The following SLC17A1 variants were observed in gnomAD, a reference collection of about 807,000 sequenced individuals.
SLC17A1 encodes solute carrier family 17 member 1, also known as sodium-dependent phosphate transport protein 1.
SLC17A1 carries 51 observed loss-of-function variants against 53.5 expected under a neutral mutation model. The observed-to-expected ratio is 0.95, with a 90% CI of 0.76 to 1.20. The LOEUF (loss-of-function observed/expected upper bound fraction) is 1.20. Ranked by LOEUF, SLC17A1 falls within the 50% of genes most tolerant of loss-of-function variation. The probability of loss-of-function intolerance (pLI) is 0.00; values close to 1 mark genes in which losing one functional copy is unlikely to be tolerated. For missense variants in SLC17A1, 538 were observed against 568.2 expected (o/e 0.95, Z 0.54); for synonymous variants, 179 against 198.8 (o/e 0.90, Z 0.84).
chr6:25,812,177 A>G (rs1297822267), intron 8 of SLC17A1, among the ~76,000 whole-genome samples: 10 of 152,172 alleles, frequency 6.6e-5, no homozygotes, highest in Non-Finnish European at 1.5e-4. Context: ...TGAAGTATAA[A>G]ATTGAGTCAG....
At chr6:25,726,913 C>T in the SLC17A1 span, 6 of 1,611,236 alleles carry the variant, frequency 3.7e-6, no homozygotes, top group East Asian at 2.2e-5. Context: ...GTAGCTATGC[C>T]GGAGGTGTCA....
chr6:25,822,641 G>A (rs181386499), intron 3 of SLC17A1, among the ~76,000 whole-genome samples: 4 of 152,144 alleles, frequency 2.6e-5, no homozygotes, highest in Non-Finnish European at 4.4e-5. Context: ...TAGCTCAAGA[G>A]CTCCCTCCTC....
At chr6:25,804,457 C>A (rs62392759) in intron 10 of SLC17A1, among the ~76,000 whole-genome samples, 13,774 of 152,102 alleles carry the variant, frequency 0.091, 806 homozygotes, top group Middle Eastern at 0.14. Flanking sequence ...ATAAAACCCA[C>A]AAGGCCTATA....
In SLC17A1 at chr6:25,792,730, T is replaced by A. The variant is rs1763528809; in HGVS notation, c.*2+6053A>T. Reference sequence around the variant, plus strand: ...CTCTTTAGTTGCTAAAGCCAAAATCTAGGTCCTATCCTTGTTTCTTCTCTT... The same window carrying A: ...CTCTTTAGTTGCTAAAGCCAAAATCAAGGTCCTATCCTTGTTTCTTCTCTT... On this transcript the variant is annotated intron_variant, in intron 12 of 12. Transcript: ENST00000244527. 2.0e-5 allele frequency among the ~76,000 whole-genome samples: 3 copies of A among 152,206 alleles called. No homozygotes were observed. In the South Asian group the frequency reaches 6.2e-4, roughly 31 times the overall value.
At chr6:25,827,707 G>A (rs1428790777) in intron 2 of SLC17A1, among the ~76,000 whole-genome samples, 1 of 152,076 alleles carries the variant, frequency 6.6e-6, no homozygotes, top group Non-Finnish European at 1.5e-5. Context: ...TAACTGATTT[G>A]GGACCATAAT....
chr6:25,821,290 A>C lies in SLC17A1; in HGVS notation c.208-1375T>G, dbSNP rs531942225. ...GTCACCCTATAGCTGTGGCCTCTAGAGTGTAATATTTCTCTTGGATGGAAA... is the reference window on the plus strand; with the variant it reads ...GTCACCCTATAGCTGTGGCCTCTAGCGTGTAATATTTCTCTTGGATGGAAA... On this transcript the variant is annotated intron_variant, in intron 3 of 12. Transcript: ENST00000244527. Among the ~76,000 whole-genome samples the C allele has an allele frequency of 3.3e-5, 5 of 152,136 alleles. No individual in the cohort carries two copies. The East Asian group carries it at 9.6e-4, about 29-fold the overall frequency.
the SLC17A1 span, chr6:25,726,398 T>C: frequency 6.2e-7 from 1 of 1,614,032 alleles, no homozygotes; most frequent in African/African-American, 1.3e-5. Flanking sequence ...CCTGCCCCTA[T>C]CCGCTCTGCA....
the SLC17A1 span, among the ~76,000 whole-genome samples, chr6:25,752,771 T>C: frequency 6.6e-6 from 1 of 151,998 alleles, no homozygotes; most frequent in Non-Finnish European, 1.5e-5. Flanking sequence ...GCTAACACAG[T>C]GAAACCCCGT....
the SLC17A1 span, among the ~76,000 whole-genome samples, chr6:25,748,758 A>T: frequency 6.6e-6 from 1 of 152,196 alleles, no homozygotes; most frequent in Non-Finnish European, 1.5e-5. Context: ...TGAGCAAAGG[A>T]ATCTGTGTCA....
intron 6 of SLC17A1, among the ~76,000 whole-genome samples, chr6:25,815,420 C>A (rs1012639578): frequency 6.6e-6 from 1 of 151,562 alleles, no homozygotes; most frequent in African/African-American, 2.4e-5. Flanking sequence ...AACCAAATGA[C>A]CCCAGTTTTT....
the SLC17A1 span, among the ~76,000 whole-genome samples, chr6:25,756,464 G>GT: frequency 6.6e-6 from 1 of 152,042 alleles, no homozygotes; most frequent in Non-Finnish European, 1.5e-5. Context: ...TGCTACTCTT[G>GT]TTTTTTTCAT....
At chr6:25,782,246 T>C (rs1232490489), downstream of SLC17A1, among the ~76,000 whole-genome samples, 2 of 152,156 alleles carry the variant, frequency 1.3e-5, no homozygotes, top group African/African-American at 2.4e-5. Context: ...TCTGAAGTGC[T>C]CTTGTCAGAC....
intron 10 of SLC17A1, among the ~76,000 whole-genome samples, chr6:25,801,579 G>T (rs145935309): frequency 3.3e-5 from 5 of 152,328 alleles, no homozygotes; most frequent in South Asian, 2.1e-4. Context: ...CAGAATCAGT[G>T]TCTAATCAAG....
At chr6:25,772,934 C>T in the SLC17A1 span, among the ~76,000 whole-genome samples, 1 of 152,190 alleles carries the variant, frequency 6.6e-6, no homozygotes, top group Non-Finnish European at 1.5e-5. Context: ...CTGGGTGGCT[C>T]CACTCTCTGT....
chr6:25,769,557 TAAA>T, the SLC17A1 span, among the ~76,000 whole-genome samples: 1 of 136,080 alleles, frequency 7.3e-6, no homozygotes, highest in Admixed American at 7.4e-5. Context: ...GATTCTGTCT[TAAA>T]AAAAAAAAAA....
intron 10 of SLC17A1, among the ~76,000 whole-genome samples, chr6:25,809,875 G>A (rs1764091633): frequency 6.6e-6 from 1 of 152,024 alleles, no homozygotes; most frequent in African/African-American, 2.4e-5. Flanking sequence ...ATACTTCAAA[G>A]TTTTAATAAT....
At chr6:25,774,321 G>A in the SLC17A1 span, among the ~76,000 whole-genome samples, 1 of 152,240 alleles carries the variant, frequency 6.6e-6, no homozygotes, top group South Asian at 2.1e-4. Context: ...TCTTAAAAGT[G>A]GCTATCAGAT....
chr6:25,752,813 G>T, the SLC17A1 span, among the ~76,000 whole-genome samples: 2 of 151,964 alleles, frequency 1.3e-5, no homozygotes, highest in Non-Finnish European at 2.9e-5. Context: ...TTAGCTGGGC[G>T]TGGTGGCAGG....
chr6:25,737,084 A>G, the SLC17A1 span, among the ~76,000 whole-genome samples: 1 of 152,228 alleles, frequency 6.6e-6, no homozygotes. Flanking sequence ...ACCTTTGTAA[A>G]ACTAATGAAA....
Sources: gnomAD v4.1 joint callset for allele counts (sites outside exome capture counted in the v4.1 genomes callset) on GRCh38, gnomAD v4.1.1 for gene constraint, MANE v1.5 for transcripts, NCBI Gene and HGNC (gene_info 2026-07-23, HGNC 2026-07-21) for gene names.